The following TMEM266 variants were observed in gnomAD, a reference collection of about 807,000 sequenced individuals.
The protein encoded by TMEM266 is transmembrane protein 266.
Under a neutral mutation model 50.5 loss-of-function variants are expected in TMEM266, and 33 were observed. That is an observed-to-expected ratio of 0.65 (90% CI 0.50 to 0.87). The LOEUF (loss-of-function observed/expected upper bound fraction) is 0.87, where lower values mean the gene tolerates loss of function less well. Ranked by LOEUF, TMEM266 falls within the 40% of genes least tolerant of loss-of-function variation. The pLI, the probability that TMEM266 is intolerant of heterozygous loss-of-function variation, is 0.00. For missense variants in TMEM266, 655 were observed against 695.1 expected, an observed-to-expected ratio of 0.94 and a Z score of 0.65; for synonymous variants, 310 against 292.3, an observed-to-expected ratio of 1.06 and a Z score of -0.62.
At chr15:76,156,490 A>C in intron 3 of TMEM266, 114 bp from the exon 4 acceptor site, 1 of 1,102,358 alleles carries the variant, frequency 9.1e-7, no homozygotes, top group East Asian at 2.4e-5. Context: ...AGAGCCAGGG[A>C]GAGAGCCCGG....
intron 8 of TMEM266, among the ~76,000 whole-genome samples, chr15:76,186,735 G>C (rs867712575): frequency 6.6e-6 from 1 of 152,294 alleles, no homozygotes; most frequent in Middle Eastern, 3.4e-3. Context: ...CATCCAATCT[G>C]TTCTCCATTC....
chr15:76,130,414 G>T lies in TMEM266; in HGVS notation c.-96-3754G>T, dbSNP rs192408704. 2.2e-3 allele frequency among the ~76,000 whole-genome samples: 331 copies of T among 152,164 alleles called. 2 individuals carry two copies. Among genetic ancestry groups the T allele is most frequent in the African/African-American group, 7.3e-3 (302 of 41,518 alleles). On this transcript the variant is annotated intron_variant, in intron 1 of 10. Transcript: ENST00000388942. ...AAATTAGCTGGGCATGGCGGCACAC[G>T]CCTGTAATCCCAGCTACTTGGGAGG...
intron 5 of TMEM266, among the ~76,000 whole-genome samples, chr15:76,162,063 C>G (rs1370343381): frequency 6.6e-6 from 1 of 152,212 alleles, no homozygotes; most frequent in Non-Finnish European, 1.5e-5. Flanking sequence ...CCCCTGTGCA[C>G]AGGAATCGCA....
intron 1 of TMEM266, among the ~76,000 whole-genome samples, chr15:76,118,149 G>A (rs549494625): frequency 6.6e-6 from 1 of 152,282 alleles, no homozygotes; most frequent in Admixed American, 6.5e-5. Flanking sequence ...GGCCCACACT[G>A]ACCTCCTCCT....
chr15:76,114,918 C>G (rs759890055), intron 1 of TMEM266, among the ~76,000 whole-genome samples: 48 of 152,282 alleles, frequency 3.2e-4, no homozygotes, highest in Non-Finnish European at 5.3e-4. Flanking sequence ...CCTTTTGTGT[C>G]TGGCTTTCAC....
At chr15:76,061,081 A>G (rs940004722) in intron 1 of TMEM266, among the ~76,000 whole-genome samples, 1 of 152,148 alleles carries the variant, frequency 6.6e-6, no homozygotes. Context: ...GGAAAATGGG[A>G]TGTATATAAC....
chr15:76,088,471 A>T (rs2036803866), intron 1 of TMEM266, among the ~76,000 whole-genome samples: 1 of 152,084 alleles, frequency 6.6e-6, no homozygotes, highest in South Asian at 2.1e-4. Flanking sequence ...TGGGCAACAG[A>T]GGGAGACCTT....
intron 1 of TMEM266, among the ~76,000 whole-genome samples, chr15:76,069,691 G>A (rs775194706): frequency 1.5e-4 from 23 of 152,016 alleles, no homozygotes; most frequent in Non-Finnish European, 2.5e-4. Flanking sequence ...GGTGGTGCAC[G>A]CCTGTAGTCA....
At chr15:76,079,831 T>TG (rs370809909) in intron 1 of TMEM266, among the ~76,000 whole-genome samples, 30 of 108,264 alleles carry the variant, frequency 2.8e-4, no homozygotes, top group African/African-American at 8.9e-4. Context: ...TTTAGGGCGG[T>TG]GGGGGGGTGG....
rs1186714858 is a variant in TMEM266, at chr15:76,160,076, C to T, written c.383-19C>T. 6.2e-7 allele frequency: 1 copy of T among 1,613,206 alleles called. No homozygotes were observed. On this transcript the variant is annotated intron_variant, in intron 4 of 10. Coordinates refer to ENST00000388942, the MANE Select transcript of TMEM266 (RefSeq NM_152335.3). This position sits in a 1 kb window ranked among gnomAD's most constrained non-coding sequence, Gnocchi z 5.7. ...TAATTCCTCACTCCTAAAATTGGTCCTTATCGTGTCCATTGCAGTTTCCAG... is the reference window on the plus strand; with the variant it reads ...TAATTCCTCACTCCTAAAATTGGTCTTTATCGTGTCCATTGCAGTTTCCAG...
At position 76,139,279 on chromosome 15, in the gene TMEM266, C is replaced by T. The variant is rs1482962899; in HGVS notation, c.227+1384C>T. ...CACACACCTTTTTTTGCAGAAACTA[C>T]ACCCCAGTGGCTTTCTCTGAAAATA... On this transcript the variant is annotated intron_variant, in intron 3 of 10. Coordinates refer to ENST00000388942, the MANE Select transcript of TMEM266 (RefSeq NM_152335.3). This position sits in a 1 kb window ranked among gnomAD's most constrained non-coding sequence, Gnocchi z 4.1. Among the ~76,000 whole-genome samples, 1 of 152,214 alleles carries T rather than the reference C, an allele frequency of 6.6e-6. No individual in the cohort carries two copies. Among genetic ancestry groups the T allele is most frequent in the Non-Finnish European group, 1.5e-5 (1 of 68,046 alleles).
chr15:76,179,643 G>A (rs917088118), intron 8 of TMEM266, among the ~76,000 whole-genome samples: 5 of 152,084 alleles, frequency 3.3e-5, no homozygotes, highest in Non-Finnish European at 7.3e-5. Flanking sequence ...CCCCAACCCC[G>A]TTCCAGGACA....
intron 1 of TMEM266, among the ~76,000 whole-genome samples, chr15:76,085,914 G>A (rs538615153): frequency 2.6e-4 from 39 of 152,160 alleles, no homozygotes; most frequent in African/African-American, 8.9e-4. Flanking sequence ...TGGGTATGGT[G>A]GTGCACGCCT....
At chr15:76,076,721 G>A (rs529648382) in intron 1 of TMEM266, among the ~76,000 whole-genome samples, 3 of 152,036 alleles carry the variant, frequency 2.0e-5, no homozygotes, top group African/African-American at 7.3e-5. Flanking sequence ...GGAAGGTCGG[G>A]CATTAGATGG....
Position 76,171,054 on chromosome 15 carries a change from A to G in TMEM266, c.575A>G (p.Asn192Ser), listed in dbSNP as rs767683352. The stretch of plus-strand genomic sequence containing the variant: ...CCGATGGTGGCATCCACTGTGGCCA[A>G]TGGACCCAGGAGCCCCTGGGACGCC... Residue 192 changes from asparagine (N) to serine (S), a missense_variant, in exon 7 of 11, where the codon AAT (asparagine) becomes AGT (serine). This residue lies in a region of TMEM266 where 101 missense variants were observed against 182.6 expected (regional missense o/e 0.55). Transcript: ENST00000388942. 5.0e-6 allele frequency: 8 copies of G among 1,613,280 alleles called. No individual in the cohort carries two copies. Among genetic ancestry groups the G allele is most frequent in the South Asian group, 1.1e-5 (1 of 90,762 alleles).
chr15:76,176,861 G>T (rs912051423), intron 8 of TMEM266, among the ~76,000 whole-genome samples: 6 of 152,218 alleles, frequency 3.9e-5, no homozygotes, highest in Non-Finnish European at 8.8e-5. Context: ...GTGGCGTACA[G>T]GCCTGCTATG....
chr15:76,075,131 T>C (rs2036587371), intron 1 of TMEM266, among the ~76,000 whole-genome samples: 2 of 152,036 alleles, frequency 1.3e-5, no homozygotes, highest in South Asian at 4.1e-4. Context: ...GATATGCAAA[T>C]CTGAAGTTCT....
intron 1 of TMEM266, among the ~76,000 whole-genome samples, chr15:76,093,263 T>C (rs1278915759): frequency 6.6e-6 from 1 of 151,830 alleles, no homozygotes; most frequent in Non-Finnish European, 1.5e-5. Flanking sequence ...CATTAAGTAT[T>C]TCTCCTAATG....
intron 1 of TMEM266, among the ~76,000 whole-genome samples, chr15:76,073,527 C>T (rs539290530): frequency 3.9e-5 from 6 of 152,316 alleles, no homozygotes; most frequent in South Asian, 2.1e-4. Context: ...GCCACCATGC[C>T]GGGCCAAATT....
Sources: gnomAD v4.1 joint callset for allele counts (sites outside exome capture counted in the v4.1 genomes callset) on GRCh38, gnomAD v4.1.1 for gene constraint, gnomAD v4.1.1 regional missense constraint, Gnocchi (gnomAD v3.1) non-coding constraint, MANE v1.5 for transcripts, NCBI Gene and HGNC (gene_info 2026-07-23, HGNC 2026-07-21) for gene names.